Variants in ZBED1 observed in about 807,000 individuals in gnomAD.
ZBED1 encodes the protein E3 SUMO-protein ligase ZBED1.
Under a neutral mutation model 49.7 loss-of-function variants are expected in ZBED1, and 19 were observed. That is an observed-to-expected ratio of 0.38 (90% CI 0.27 to 0.56). The LOEUF is 0.56. ZBED1 is among the 20% of genes least tolerant of loss of function. ZBED1 has a pLI of 0.70. For synonymous variants in ZBED1, 439 were observed against 440.3 expected (o/e 1.00, Z 0.04); for missense variants, 806 against 972.6 (o/e 0.83, Z 2.28).
rs759275970 is a variant in ZBED1 at position 2,489,430 on chromosome X, C to A, written c.1290G>T (p.Leu430=). Residue 430 remains leucine (L), a synonymous_variant, in exon 2 of 2, where the codon CTG becomes CTT. Coordinates refer to ENST00000652001, the MANE Select transcript of ZBED1 (RefSeq NM_001171136.2). ...TCTCCTTGATGTTGAGCGTGGTGTT[C>A]AGGAGCATGTGCAGCAGCGGCTTCA... ...SMVKPLLHML[L]NTTLNIKETD... 1.3e-5 allele frequency: 21 copies of A among 1,613,876 alleles called. No individual in the cohort carries two copies. Among genetic ancestry groups the A allele is most frequent in the Non-Finnish European group, 1.8e-5 (21 of 1,179,850 alleles).
At chrX:2,491,301 T>A (rs2045137664) in intron 1 of ZBED1, among the ~76,000 whole-genome samples, 1 of 152,118 alleles carries the variant, frequency 6.6e-6, no homozygotes, top group South Asian at 2.1e-4. Flanking sequence ...AACTCCTGAC[T>A]TCAGGTGATC....
Position 2,493,233 on chromosome X carries a change from C to T in ZBED1, c.-53-2461G>A, listed in dbSNP as rs187644661. Reference sequence around the variant, plus strand: ...GAGTTAGGGTGGGGCCCCTGGATTACACAGTCAACGGAGGGGGAAAAGAAT... The same window carrying T: ...GAGTTAGGGTGGGGCCCCTGGATTATACAGTCAACGGAGGGGGAAAAGAAT... On this transcript the variant is annotated intron_variant, in intron 1 of 1. Coordinates refer to ENST00000652001, the MANE Select transcript of ZBED1 (RefSeq NM_001171136.2). 7.4e-4 allele frequency among the ~76,000 whole-genome samples: 113 copies of T among 152,288 alleles called. 1 individual carries two copies. Among genetic ancestry groups the T allele is most frequent in the Middle Eastern group, 3.4e-3 (1 of 294 alleles).
Position 2,490,332 on chromosome X carries a change from C to T in ZBED1, c.388G>A (p.Val130Met). 3 of 1,613,166 alleles carry T rather than the reference C, an allele frequency of 1.9e-6. No homozygotes were observed. The highest frequency in any genetic ancestry group is 2.2e-5 in the South Asian group (2 of 91,038). ...AGCCCCTCGCAGATGAGGCCCAGCA[C>T]GGCGGCCGTCAGCTCCTGCTGCTTC... ...SKKQQELTAA[V>M]LGLICEGLYP... The change falls in exon 2 of 2, where the codon GTG (valine) becomes ATG (methionine). Residue 130 changes from valine to methionine, a missense_variant. Physicochemically the swap from Val to Met is conservative, Grantham distance 21. Around this residue, in one of 2 missense-constraint regions of ZBED1, gnomAD observed 749 missense variants for 861.3 expected, o/e 0.87. Coordinates refer to ENST00000652001, the MANE Select transcript of ZBED1 (RefSeq NM_001171136.2).
chrX:2,490,152 C>T lies in ZBED1; in HGVS notation c.568G>A (p.Glu190Lys). The change falls in exon 2 of 2, where the codon GAG (glutamate) becomes AAG (lysine). Residue 190 changes from glutamate to lysine, a missense_variant. Around this residue, in one of 2 missense-constraint regions of ZBED1, gnomAD observed 749 missense variants for 861.3 expected, o/e 0.87. Transcript: ENST00000652001. ...VREVILKELA[E>K]ATWCGISTDM... is the part of the protein sequence containing the mutation. ...GTGGAGATGCCACACCAGGTGGCCT[C>T]GGCCAGCTCCTTCAGGATCACCTCC... 12 of 1,613,940 alleles carry T rather than the reference C, an allele frequency of 7.4e-6. No homozygotes were observed. The highest frequency in any genetic ancestry group is 1.1e-5 in the South Asian group (1 of 91,080).
intron 1 of ZBED1, among the ~76,000 whole-genome samples, chrX:2,493,209 A>T (rs2045200615): frequency 6.6e-6 from 1 of 152,138 alleles, no homozygotes; most frequent in Non-Finnish European, 1.5e-5. Context: ...TCTGCAGCCG[A>T]GTTAGGGTGG....
At chrX:2,491,554 G>A (rs2045146303) in intron 1 of ZBED1, among the ~76,000 whole-genome samples, 1 of 152,192 alleles carries the variant, frequency 6.6e-6, no homozygotes, top group Non-Finnish European at 1.5e-5. Context: ...TGCCACCTGA[G>A]CTTCATTCAC....
intron 1 of ZBED1, among the ~76,000 whole-genome samples, chrX:2,500,028 AAAT>A (rs1205051124): frequency 6.6e-6 from 1 of 152,120 alleles, no homozygotes; most frequent in Admixed American, 6.5e-5. Context: ...CTATTACAAA[AAAT>A]AATAATAATA....
intron 1 of ZBED1, among the ~76,000 whole-genome samples, chrX:2,500,033 A>G (rs1034900124): frequency 8.5e-5 from 13 of 152,202 alleles, no homozygotes; most frequent in Admixed American, 3.3e-4. Flanking sequence ...ACAAAAAATA[A>G]TAATAATAAT....
chrX:2,491,947 G>A (rs2045159158), intron 1 of ZBED1, among the ~76,000 whole-genome samples: 1 of 152,174 alleles, frequency 6.6e-6, no homozygotes, highest in Non-Finnish European at 1.5e-5. Flanking sequence ...TCTGTGACTG[G>A]GTTGCCCAAA....
chrX:2,490,089 C>G lies in ZBED1; in HGVS notation c.631G>C (p.Val211Leu). 6.2e-7 allele frequency: 1 copy of G among 1,613,816 alleles called. No individual in the cohort carries two copies. Among genetic ancestry groups the G allele is most frequent in the Non-Finnish European group, 8.5e-7 (1 of 1,179,876 alleles). Residue 211 changes from valine to leucine, a missense_variant, in exon 2 of 2, where the codon GTC (valine) becomes CTC (leucine). Val to Leu is a conservative substitution (Grantham distance 32). Around this residue, in one of 2 missense-constraint regions of ZBED1, gnomAD observed 749 missense variants for 861.3 expected, o/e 0.87. Coordinates refer to ENST00000652001, the MANE Select transcript of ZBED1 (RefSeq NM_001171136.2). ...CCCAGGAAGTGGGCGGCCAGCGTGA[C>G]GTAGGCGCGGTTCTGATTCTCACTC... ...WRSENQNRAY[V>L]TLAAHFLGLG...
At chrX:2,499,786 T>C (rs1199165989) in intron 1 of ZBED1, among the ~76,000 whole-genome samples, 1 of 152,168 alleles carries the variant, frequency 6.6e-6, no homozygotes, top group South Asian at 2.1e-4. Context: ...GGCTCACACC[T>C]GTAATCCCAA....
At chrX:2,494,126 C>CTAT (rs769646009) in intron 1 of ZBED1, among the ~76,000 whole-genome samples, 16 of 151,346 alleles carry the variant, frequency 1.1e-4, no homozygotes, top group Admixed American at 3.3e-4. Flanking sequence ...CATCCATATT[C>CTAT]TATTATTATT....
rs545258230 is a variant in ZBED1 at position 2,487,244 on chromosome X, A to C, written c.*1391T>G. The C allele has an allele frequency of 2.0e-5, 3 of 152,362 alleles. No homozygotes were observed. Among genetic ancestry groups the C allele is most frequent in the African/African-American group, 7.2e-5 (3 of 41,586 alleles). 9.4% of individuals were successfully genotyped at this position (152,362 alleles called of 1,614,324 possible). On this transcript the variant is annotated 3_prime_UTR_variant, in exon 2 of 2. Transcript: ENST00000652001. ...ATGGTATTCAGTTTAAAAGAGAAGA[A>C]TCAAGAGTCCTTTCCGGTAATCAAA...
At position 2,489,041 on chromosome X, in the gene ZBED1, T is replaced by A; in HGVS notation, c.1679A>T (p.Asp560Val). ...CACCTGGGCATGCCACTCTTCCTGG[T>A]CCTCCACGCCGCCTGTCTGGCAGAA... ...EIFCQTGGVE[D>V]QEEWHAQVVE... Residue 560 changes from aspartate to valine, a missense_variant, in exon 2 of 2, where the codon GAC (aspartate) becomes GTC (valine). By Grantham distance (152) the Asp-to-Val change is radical. Transcript: ENST00000652001. 1.2e-6 allele frequency: 2 copies of A among 1,613,738 alleles called. No individual in the cohort carries two copies. The highest frequency in any genetic ancestry group is 1.7e-6 in the Non-Finnish European group (2 of 1,179,794).
At position 2,489,619 on chromosome X, in the gene ZBED1, C is replaced by T; in HGVS notation, c.1101G>A (p.Gln367=). 1 of 1,612,716 alleles carries T rather than the reference C, an allele frequency of 6.2e-7. No individual in the cohort carries two copies. The highest frequency in any genetic ancestry group is 8.5e-7 in the Non-Finnish European group (1 of 1,179,854). ...TLAMLQRLKE[Q]QFVIAGVLVE... ...CCAAGACCCCGGCGATGACGAACTG[C>T]TGCTCCTTGAGGCGCTGCAGCATGG... Residue 367 remains glutamine, a synonymous_variant, in exon 2 of 2, where the codon CAG becomes CAA. Coordinates refer to ENST00000652001, the MANE Select transcript of ZBED1 (RefSeq NM_001171136.2).
At chrX:2,494,743 C>G (rs1460144676) in intron 1 of ZBED1, among the ~76,000 whole-genome samples, 1 of 151,570 alleles carries the variant, frequency 6.6e-6, no homozygotes, top group East Asian at 1.9e-4. Context: ...GTTCTGGTAC[C>G]TAGAGCCAAG....
chrX:2,487,756 G>C lies in ZBED1; in HGVS notation c.*879C>G, dbSNP rs1287373498. On this transcript the variant is annotated 3_prime_UTR_variant, in exon 2 of 2. Transcript: ENST00000652001. Reference sequence around the variant, plus strand: ...TTTTTTTCTGTTTGCTTTTTGTTAAGTGTCTGCATTTTTGTACTCATCTGT... The same window carrying C: ...TTTTTTTCTGTTTGCTTTTTGTTAACTGTCTGCATTTTTGTACTCATCTGT... 1 of 151,804 alleles carries C rather than the reference G, an allele frequency of 6.6e-6. No homozygotes were observed. Among genetic ancestry groups the C allele is most frequent in the Non-Finnish European group, 1.5e-5 (1 of 67,964 alleles). The allele number at this position is 151,804 out of a possible 1,614,324, so 9.4% of individuals were successfully genotyped here. A position where few individuals can be genotyped will look rare whatever the true frequency, so the allele number is the denominator to read the frequency against.
intron 1 of ZBED1, among the ~76,000 whole-genome samples, chrX:2,490,980 G>A (rs1175362521): frequency 1.3e-5 from 2 of 152,018 alleles, no homozygotes; most frequent in Admixed American, 6.5e-5. Context: ...ACGTTAATCC[G>A]ACTGCAGCGA....
chrX:2,492,618 T>G (rs1234449569), intron 1 of ZBED1, among the ~76,000 whole-genome samples: 1 of 151,340 alleles, frequency 6.6e-6, no homozygotes, highest in African/African-American at 2.4e-5. Context: ...GTGACAGATG[T>G]CCTTATAAAA....
Sources: allele counts gnomAD v4.1 joint callset (sites outside exome capture counted in the v4.1 genomes callset), GRCh38; gene constraint gnomAD v4.1.1; regional missense constraint gnomAD v4.1.1; transcripts MANE v1.5; gene names NCBI Gene and HGNC (gene_info 2026-07-23, HGNC 2026-07-21).